PSIP1: variants seen among roughly 807,000 people sequenced by gnomAD.
PSIP1 encodes the protein PC4 and SFRS1-interacting protein.
Under a neutral mutation model 74.7 loss-of-function variants are expected in PSIP1, and 19 were observed. The ratio of observed to expected loss-of-function variants is 0.25; its 90% confidence interval spans 0.18 to 0.37. The LOEUF (loss-of-function observed/expected upper bound fraction) is 0.37, where lower values mean the gene tolerates loss of function less well. Ranked by LOEUF, PSIP1 falls within the 10% of genes least tolerant of loss-of-function variation. PSIP1 has a pLI of 1.00. For missense variants in PSIP1, 601 were observed against 614.3 expected, an observed-to-expected ratio of 0.98 and a Z score of 0.23; for synonymous variants, 222 against 195.3, an observed-to-expected ratio of 1.14 and a Z score of -1.14.
At chr9:15,471,702 A>G in intron 10 of PSIP1, 12 of 965,546 alleles carry the variant, frequency 1.2e-5, no homozygotes, top group Non-Finnish European at 1.4e-5. Context: ...CTCCAAACTA[A>G]GAAAGCAGAG....
Position 15,474,021 on chromosome 9 carries a change from T to G in PSIP1, c.846A>C (p.Gln282His), listed in dbSNP as rs1285671752. Reference sequence around the variant, plus strand: ...GTAAACTTTATACCTTTTCACCTTCTTGATCATCTCCTTCTTCTTCAGAAT... The same window carrying G: ...GTAAACTTTATACCTTTTCACCTTCGTGATCATCTCCTTCTTCTTCAGAAT... Reference protein sequence around the residue: ...TSDSEEEGDDQEGEKKRKGGR... With the variant: ...TSDSEEEGDDHEGEKKRKGGR... The change falls in exon 9 of 16, where the codon CAA becomes CAC. Residue 282 changes from glutamine (Q) to histidine (H), a missense_variant. Transcript: ENST00000380733. The G allele has an allele frequency of 6.2e-7, 1 of 1,612,460 alleles. No individual in the cohort carries two copies. Among genetic ancestry groups the G allele is most frequent in the Non-Finnish European group, 8.5e-7 (1 of 1,179,180 alleles).
Position 15,464,210 on chromosome 9 carries a change from C to G in PSIP1, c.*1310G>C, listed in dbSNP as rs988076679. On this transcript the variant is annotated 3_prime_UTR_variant, in exon 16 of 16. Coordinates refer to ENST00000380733, the MANE Select transcript of PSIP1 (RefSeq NM_033222.5). Reference sequence around the variant, plus strand: ...GCAGGTTCTCTCAAAACGGTGATTCCTAGTTCCATTATAAGACCTCTTTAA... The same window carrying G: ...GCAGGTTCTCTCAAAACGGTGATTCGTAGTTCCATTATAAGACCTCTTTAA... The G allele has an allele frequency of 5.2e-6, 1 of 190,622 alleles. No individual in the cohort carries two copies. Among genetic ancestry groups the G allele is most frequent in the Admixed American group, 6.2e-5 (1 of 16,202 alleles). 11.8% of individuals were successfully genotyped at this position (190,622 alleles called of 1,614,324 possible).
intron 4 of PSIP1, among the ~76,000 whole-genome samples, chr9:15,487,680 T>C (rs2036614444): frequency 6.6e-6 from 1 of 152,228 alleles, no homozygotes; most frequent in South Asian, 2.1e-4. Flanking sequence ...TAGACAGATG[T>C]CTTCCCATCA....
chr9:15,478,538 T>A lies in PSIP1; in HGVS notation c.568A>T (p.Ile190Phe). The change falls in exon 8 of 16, where the codon ATT becomes TTT. Residue 190 changes from isoleucine to phenylalanine, a missense_variant. Coordinates refer to ENST00000380733, the MANE Select transcript of PSIP1 (RefSeq NM_033222.5). ...RGRPAATEVKIPKPRGRPKMV... is the reference protein window; with the variant it reads ...RGRPAATEVKFPKPRGRPKMV... ...TTGGGTCTGCCTCTTGGTTTTGGAA[T>A]CTTGACTTCTGTAGCTAATATACAC... 1 of 1,600,954 alleles carries A rather than the reference T, an allele frequency of 6.2e-7. No individual in the cohort carries two copies. Among genetic ancestry groups the A allele is most frequent in the Non-Finnish European group, 8.6e-7 (1 of 1,168,420 alleles).
chr9:15,510,263 C>CGGCGCGG lies in PSIP1; in HGVS notation c.-76_-75insCCGCGCC. 1.5e-6 allele frequency: 2 copies of CGGCGCGG among 1,367,136 alleles called. No individual in the cohort carries two copies. The highest frequency in any genetic ancestry group is 1.3e-5 in the South Asian group (1 of 77,384). 84.7% of individuals were successfully genotyped at this position (1,367,136 alleles called of 1,614,324 possible). ...TGCGGCGGCGCGGGGATGCGGGCGG[C>CGGCGCGG]GGACGCGGGCCCAGCTACCGGGCCC... On this transcript the variant is annotated 5_prime_UTR_variant, in exon 2 of 16. Transcript: ENST00000380733.
chr9:15,471,155 C>A, intron 10 of PSIP1: 1 of 1,606,130 alleles, frequency 6.2e-7, no homozygotes, highest in African/African-American at 1.3e-5. Flanking sequence ...CTTGTATTCT[C>A]TTTTCAGTAA....
chr9:15,469,477 C>T (rs2035750321), intron 11 of PSIP1, 141 bp from the exon 12 acceptor site: 1 of 567,782 alleles, frequency 1.8e-6, no homozygotes, highest in Admixed American at 3.7e-5. Flanking sequence ...AAGATATGCA[C>T]AATAGCTTAA....
In PSIP1 at chr9:15,490,032, A is replaced by C; in HGVS notation, c.242T>G (p.Leu81Ter). 1 of 1,604,340 alleles carries C rather than the reference A, an allele frequency of 6.2e-7. No homozygotes were observed. Among genetic ancestry groups the C allele is most frequent in the Non-Finnish European group, 8.5e-7 (1 of 1,175,826 alleles). ...TTTTGGATTGTTATCTATCTCCCAT[A>C]AACCTTCATTAAAACCTTTTCTTTT... ...PNKRKGFNEGLWEIDNNPKVK... is the reference protein window; with the variant it reads ...PNKRKGFNEG The change falls in exon 4 of 16, where the codon TTA becomes TGA. Residue 81 changes from leucine to a stop codon, truncating the protein, a stop_gained. Coordinates refer to ENST00000380733, the MANE Select transcript of PSIP1 (RefSeq NM_033222.5). LOFTEE classifies it high-confidence loss of function.
intron 2 of PSIP1, among the ~76,000 whole-genome samples, chr9:15,507,264 A>G: frequency 6.6e-6 from 1 of 152,226 alleles, no homozygotes; most frequent in East Asian, 1.9e-4. Context: ...AGGTGCTGTC[A>G]CGTCTAATAT....
chr9:15,468,294 A>C, intron 14 of PSIP1: 1 of 555,402 alleles, frequency 1.8e-6, no homozygotes, highest in South Asian at 1.4e-5. Flanking sequence ...TTAGGTGAGA[A>C]GAAAACAGAA....
At chr9:15,496,044 A>C (rs900097636) in intron 3 of PSIP1, among the ~76,000 whole-genome samples, 1 of 152,208 alleles carries the variant, frequency 6.6e-6, no homozygotes, top group Non-Finnish European at 1.5e-5. Context: ...GAGGCCAACT[A>C]TACATCCGAC....
rs1030253460 is a variant in PSIP1, at chr9:15,464,455, T to C, written c.*1065A>G. 1 of 200,692 alleles carries C rather than the reference T, an allele frequency of 5.0e-6. No individual in the cohort carries two copies. The allele number at this position is 200,692 out of a possible 1,614,324, so 12.4% of individuals were successfully genotyped here. A position where few individuals can be genotyped will look rare whatever the true frequency, so the allele number is the denominator to read the frequency against. On this transcript the variant is annotated 3_prime_UTR_variant, in exon 16 of 16. Coordinates refer to ENST00000380733, the MANE Select transcript of PSIP1 (RefSeq NM_033222.5). ...AACATACCCTTAAATTTTGTAACAT[T>C]GATTTTACCCTGGATTTAGTCCATA...
chr9:15,496,006 T>C (rs960217472), intron 3 of PSIP1, among the ~76,000 whole-genome samples: 1 of 152,228 alleles, frequency 6.6e-6, no homozygotes. Context: ...TTTGGTAAAC[T>C]GTCACATGGG....
chr9:15,500,510 T>G (rs1367299942), intron 3 of PSIP1, among the ~76,000 whole-genome samples: 1 of 152,142 alleles, frequency 6.6e-6, no homozygotes, highest in Non-Finnish European at 1.5e-5. Context: ...ATCTCATTAT[T>G]TGGTGTAAAA....
chr9:15,484,958 T>TCTA (rs2036496976), intron 6 of PSIP1, among the ~76,000 whole-genome samples: 1 of 150,584 alleles, frequency 6.6e-6, no homozygotes, highest in Non-Finnish European at 1.5e-5. Context: ...GTGGCACACT[T>TCTA]CTACAGTCCC....
intron 3 of PSIP1, among the ~76,000 whole-genome samples, chr9:15,501,793 T>A (rs2132214334): frequency 6.7e-6 from 1 of 149,388 alleles, no homozygotes; most frequent in Admixed American, 6.6e-5. Context: ...CCTCGACCCC[T>A]GCAGATACCA....
At chr9:15,471,749 C>T (rs1027031158) in intron 10 of PSIP1, 31 of 961,742 alleles carry the variant, frequency 3.2e-5, no homozygotes, top group Middle Eastern at 5.2e-4. Context: ...CTTTGGCTTA[C>T]GGATATATTA....
Position 15,483,809 on chromosome 9 carries a change from T to C in PSIP1, c.456+2197A>G, listed in dbSNP as rs1336267030. ...GAGTTCAAGACCTGGCTGACCAACA[T>C]AGTGAAACCCTGTCTTTACTAAATA... On this transcript the variant is annotated intron_variant, in intron 6 of 15. Coordinates refer to ENST00000380733, the MANE Select transcript of PSIP1 (RefSeq NM_033222.5). Among the ~76,000 whole-genome samples the C allele has an allele frequency of 2.6e-5, 4 of 152,130 alleles. No homozygotes were observed. In the East Asian group the frequency reaches 5.8e-4, roughly 22 times the overall value.
At chr9:15,507,751 T>A (rs1250068364) in intron 2 of PSIP1, among the ~76,000 whole-genome samples, 1 of 152,246 alleles carries the variant, frequency 6.6e-6, no homozygotes, top group Non-Finnish European at 1.5e-5. Flanking sequence ...AGAAGGGGGT[T>A]GACCATCAGA....
Sources: gnomAD v4.1 joint callset for allele counts (sites outside exome capture counted in the v4.1 genomes callset) on GRCh38, gnomAD v4.1.1 for gene constraint, MANE v1.5 for transcripts, NCBI Gene and HGNC (gene_info 2026-07-23, HGNC 2026-07-21) for gene names.